The following NEDD4L variants were observed in gnomAD, a reference collection of about 807,000 sequenced individuals.
NEDD4L encodes NEDD4 like E3 ubiquitin protein ligase, also known as E3 ubiquitin-protein ligase NEDD4-like.
In NEDD4L, 54 loss-of-function variants were observed where a neutral mutation model predicts 148.9. The observed-to-expected ratio is 0.36, with a 90% CI of 0.29 to 0.45. The LOEUF (loss-of-function observed/expected upper bound fraction) is 0.45. NEDD4L is among the 20% of genes least tolerant of loss of function. NEDD4L has a pLI of 1.00. For missense variants in NEDD4L, 856 were observed against 1,233.8 expected (o/e 0.69, Z 4.59); for synonymous variants, 433 against 440.7 (o/e 0.98, Z 0.22).
intron 24 of NEDD4L, among the ~76,000 whole-genome samples, chr18:58,374,625 G>A (rs2047313424): frequency 6.6e-6 from 1 of 151,960 alleles, no homozygotes; most frequent in Admixed American, 6.5e-5. Flanking sequence ...AGGACCGAGA[G>A]TACTGGTGTC....
At chr18:58,269,219 G>A (rs2050672219) in intron 5 of NEDD4L, among the ~76,000 whole-genome samples, 1 of 152,034 alleles carries the variant, frequency 6.6e-6, no homozygotes, top group Non-Finnish European at 1.5e-5. Context: ...GAGTGTGTTA[G>A]CTGGGGAGAT....
At chr18:58,307,166 G>A (rs1048956784) in intron 5 of NEDD4L, among the ~76,000 whole-genome samples, 2 of 152,122 alleles carry the variant, frequency 1.3e-5, no homozygotes, top group African/African-American at 4.8e-5. Flanking sequence ...GCCTCTGACC[G>A]ACCCGCACAC....
At chr18:58,128,648 C>T (rs763348050) in intron 1 of NEDD4L, among the ~76,000 whole-genome samples, 3 of 152,198 alleles carry the variant, frequency 2.0e-5, no homozygotes, top group African/African-American at 7.2e-5. Flanking sequence ...GGCGGGGCCA[C>T]GTCTTCTGTG....
intron 25 of NEDD4L, among the ~76,000 whole-genome samples, chr18:58,384,117 C>G (rs1359956599): frequency 6.6e-6 from 1 of 152,152 alleles, no homozygotes; most frequent in African/African-American, 2.4e-5. Context: ...AGGCTAGGCT[C>G]CCTCCTTTCT....
chr18:58,356,364 A>AC (rs1390432569), intron 18 of NEDD4L, among the ~76,000 whole-genome samples: 3 of 137,340 alleles, frequency 2.2e-5, no homozygotes, highest in African/African-American at 5.5e-5. Flanking sequence ...AGTGTGCCCC[A>AC]CCCCCCGTAC....
intron 1 of NEDD4L, among the ~76,000 whole-genome samples, chr18:58,126,164 C>T (rs1266054595): frequency 6.6e-6 from 1 of 152,240 alleles, no homozygotes; most frequent in Non-Finnish European, 1.5e-5. Flanking sequence ...ACAATTCACC[C>T]ATTTAATGGG....
At chr18:58,317,231 A>G (rs9965998) in intron 6 of NEDD4L, among the ~76,000 whole-genome samples, 34,406 of 152,254 alleles carry the variant, frequency 0.23, 4,183 homozygotes, top group African/African-American at 0.31. Flanking sequence ...GGGCCTGCCC[A>G]GGGCTTCTGC....
intron 2 of NEDD4L, among the ~76,000 whole-genome samples, chr18:58,182,925 T>C (rs1262310033): frequency 6.6e-6 from 1 of 152,210 alleles, no homozygotes; most frequent in Non-Finnish European, 1.5e-5. Flanking sequence ...TGAAAGATAC[T>C]CCCTCTCCTC....
At chr18:58,194,726 A>G (rs951367685) in intron 2 of NEDD4L, among the ~76,000 whole-genome samples, 11 of 152,166 alleles carry the variant, frequency 7.2e-5, no homozygotes, top group African/African-American at 2.7e-4. Flanking sequence ...GAGAGTAAAG[A>G]GGAAAATATT....
chr18:58,185,573 A>C (rs1365133662), intron 2 of NEDD4L, among the ~76,000 whole-genome samples: 1 of 152,264 alleles, frequency 6.6e-6, no homozygotes, highest in Admixed American at 6.5e-5. Flanking sequence ...GGAAATATGT[A>C]TAAAAATGAC....
At chr18:58,287,328 A>G (rs1268150063) in intron 5 of NEDD4L, among the ~76,000 whole-genome samples, 1 of 152,226 alleles carries the variant, frequency 6.6e-6, no homozygotes, top group African/African-American at 2.4e-5. Flanking sequence ...ATGTTGTTCA[A>G]TAATTGTAGT....
chr18:58,243,800 G>T (rs749710061), intron 2 of NEDD4L, among the ~76,000 whole-genome samples: 1 of 151,858 alleles, frequency 6.6e-6, no homozygotes, highest in Non-Finnish European at 1.5e-5. Context: ...ACAGAAAAGA[G>T]GCAAGATTAA....
At chr18:58,063,039 C>G (rs12456994) in intron 1 of NEDD4L, among the ~76,000 whole-genome samples, 49,162 of 90,394 alleles carry the variant, frequency 0.54, 13,684 homozygotes, top group East Asian at 0.85. Flanking sequence ...TTTATTTGTT[C>G]TTTTTTTTTT....
intron 2 of NEDD4L, among the ~76,000 whole-genome samples, chr18:58,180,880 C>A (rs2038783935): frequency 6.6e-6 from 1 of 152,196 alleles, no homozygotes; most frequent in African/African-American, 2.4e-5. Flanking sequence ...CTGAAGACCT[C>A]TTAACTGTCT....
chr18:58,100,018 A>G (rs1599267448), intron 1 of NEDD4L, among the ~76,000 whole-genome samples: 1 of 152,274 alleles, frequency 6.6e-6, no homozygotes, highest in African/African-American at 2.4e-5. Context: ...GGGATAAAAT[A>G]CTGATTTCAA....
At chr18:58,114,390 A>G (rs2085634416) in intron 1 of NEDD4L, among the ~76,000 whole-genome samples, 1 of 152,228 alleles carries the variant, frequency 6.6e-6, no homozygotes, top group South Asian at 2.1e-4. Flanking sequence ...ACACACATAT[A>G]AAGTAAAAAG....
chr18:58,387,120 A>G, intron 26 of NEDD4L, among the ~76,000 whole-genome samples: 1 of 152,188 alleles, frequency 6.6e-6, no homozygotes, highest in East Asian at 1.9e-4. Flanking sequence ...TAGCCTGTGC[A>G]TCTTAGGACG....
intron 24 of NEDD4L, among the ~76,000 whole-genome samples, chr18:58,382,657 T>A (rs2048497122): frequency 6.6e-6 from 1 of 152,162 alleles, no homozygotes; most frequent in Non-Finnish European, 1.5e-5. Flanking sequence ...CAGCTGCTTT[T>A]TTCATGATCA....
At chr18:58,168,530 G>A (rs940361672) in intron 2 of NEDD4L, among the ~76,000 whole-genome samples, 2 of 152,220 alleles carry the variant, frequency 1.3e-5, no homozygotes, top group African/African-American at 4.8e-5. Flanking sequence ...GCTCTGTCGT[G>A]TTTTAAGGTA....
Sources: allele counts gnomAD v4.1 joint callset (sites outside exome capture counted in the v4.1 genomes callset), GRCh38; gene constraint gnomAD v4.1.1; transcripts MANE v1.5; gene names NCBI Gene and HGNC (gene_info 2026-07-23, HGNC 2026-07-21).